STXBP5L: variants seen among roughly 807,000 people sequenced by gnomAD.
The protein encoded by STXBP5L is syntaxin-binding protein 5-like.
In STXBP5L, 65 loss-of-function variants were observed where a neutral mutation model predicts 144.5. That is an observed-to-expected ratio of 0.45 (90% CI 0.37 to 0.55). STXBP5L has a LOEUF of 0.55. Ranked by LOEUF, STXBP5L falls within the 20% of genes least tolerant of loss-of-function variation. The pLI, the probability that STXBP5L is intolerant of heterozygous loss-of-function variation, is 0.00. For synonymous variants in STXBP5L, 505 were observed against 469.6 expected (o/e 1.08, Z -0.97); for missense variants, 1,298 against 1,405.5 (o/e 0.92, Z 1.22).
intron 3 of STXBP5L, among the ~76,000 whole-genome samples, chr3:120,965,361 C>G (rs1939434462): frequency 2.0e-5 from 3 of 152,170 alleles, no homozygotes. Context: ...GATGCAGTTT[C>G]TTCATAGCAT....
intron 20 of STXBP5L, among the ~76,000 whole-genome samples, chr3:121,341,974 A>G (rs1015146762): frequency 6.6e-6 from 1 of 152,066 alleles, no homozygotes; most frequent in African/African-American, 2.4e-5. Flanking sequence ...ATATTTTAGA[A>G]TAACTTAAAT....
At chr3:121,247,379 G>A (rs1196014048) in intron 14 of STXBP5L, among the ~76,000 whole-genome samples, 1 of 152,218 alleles carries the variant, frequency 6.6e-6, no homozygotes, top group East Asian at 1.9e-4. Context: ...TTTAGATTCA[G>A]GGATACATGT....
chr3:121,105,737 T>G (rs2043672504), intron 5 of STXBP5L, among the ~76,000 whole-genome samples: 1 of 152,080 alleles, frequency 6.6e-6, no homozygotes, highest in Non-Finnish European at 1.5e-5. Flanking sequence ...CACATGAAAC[T>G]CAATAGAACC....
At chr3:121,280,896 T>C (rs922296488) in intron 19 of STXBP5L, among the ~76,000 whole-genome samples, 2 of 150,786 alleles carry the variant, frequency 1.3e-5, no homozygotes, top group African/African-American at 4.8e-5. Flanking sequence ...CGTAACATAG[T>C]GTGACCCCAT....
At chr3:121,185,025 C>A (rs904251523) in intron 9 of STXBP5L, among the ~76,000 whole-genome samples, 1 of 152,120 alleles carries the variant, frequency 6.6e-6, no homozygotes, top group African/African-American at 2.4e-5. Context: ...ATATTGCCAC[C>A]ACCAGGCCTG....
chr3:121,101,186 C>T (rs1001378237), intron 5 of STXBP5L, among the ~76,000 whole-genome samples: 1 of 152,022 alleles, frequency 6.6e-6, no homozygotes, highest in South Asian at 2.1e-4. Context: ...GGTTCCAGTT[C>T]TTCTGATATT....
intron 5 of STXBP5L, among the ~76,000 whole-genome samples, chr3:121,091,545 T>C (rs1460131011): frequency 3.9e-5 from 6 of 152,206 alleles, no homozygotes; most frequent in South Asian, 2.1e-4. Context: ...GTGAGCATTT[T>C]TTCATGTGTT....
chr3:120,939,580 C>A (rs571522944), intron 2 of STXBP5L, among the ~76,000 whole-genome samples: 118 of 152,206 alleles, frequency 7.8e-4, no homozygotes, highest in African/African-American at 2.7e-3. Flanking sequence ...TCTCAGTGGA[C>A]TGTTTGAAAT....
At chr3:121,355,890 G>T (rs1051715983) in intron 20 of STXBP5L, among the ~76,000 whole-genome samples, 6 of 152,058 alleles carry the variant, frequency 3.9e-5, no homozygotes, top group Admixed American at 3.9e-4. Context: ...TGTTCTTATT[G>T]TTGATGTTGA....
chr3:121,072,332 G>T (rs2041843302), intron 5 of STXBP5L, among the ~76,000 whole-genome samples: 2 of 152,208 alleles, frequency 1.3e-5, no homozygotes, highest in South Asian at 4.1e-4. Flanking sequence ...TGAATCCCTG[G>T]GGGCCGTGTT....
At position 121,174,230 on chromosome 3, in the gene STXBP5L, A is replaced by G. The variant is rs145778270; in HGVS notation, c.877+16603A>G. On this transcript the variant is annotated intron_variant, in intron 9 of 26. Coordinates refer to ENST00000471454, the MANE Select transcript of STXBP5L (RefSeq NM_001308330.2). ...CAAATGGCACCTGTACATTCTGTAA[A>G]TATTTGTGTATATAAGTTTTAATAA... Among the ~76,000 whole-genome samples the G allele has an allele frequency of 3.0e-3, 454 of 152,168 alleles. 2 individuals carry two copies. The highest frequency in any genetic ancestry group is 2.3e-3 in the Non-Finnish European group (159 of 68,014).
At chr3:121,353,830 A>C (rs1364914848) in intron 20 of STXBP5L, among the ~76,000 whole-genome samples, 1 of 152,114 alleles carries the variant, frequency 6.6e-6, no homozygotes, top group Non-Finnish European at 1.5e-5. Context: ...AGTGCTATAC[A>C]TTTCCCTCTA....
intron 25 of STXBP5L, 112 bp from the exon 26 acceptor site, chr3:121,418,225 T>G: frequency 8.0e-7 from 1 of 1,243,080 alleles, no homozygotes; most frequent in Non-Finnish European, 1.1e-6. Flanking sequence ...AGACTCTCTT[T>G]TAATGAGAAT....
Position 121,223,161 on chromosome 3 carries a change from A to C in STXBP5L, c.1111+4A>C, listed in dbSNP as rs765955345. 2 of 1,579,794 alleles carry C rather than the reference A, an allele frequency of 1.3e-6. No individual in the cohort carries two copies. Among genetic ancestry groups the C allele is most frequent in the East Asian group, 4.5e-5 (2 of 44,460 alleles). ...TGTGAAACGCCCTATCCAAATGGTA[A>C]GTAACTAAAATGAAACTATTAATGT... On this transcript the variant is annotated splice_donor_region_variant and intron_variant, in intron 11 of 26. Transcript: ENST00000471454.
At chr3:121,413,416 A>ATATTT in intron 24 of STXBP5L, 93 bp downstream of exon 24, 1 of 1,165,136 alleles carries the variant, frequency 8.6e-7, no homozygotes, top group Non-Finnish European at 1.2e-6. Context: ...TAGGTCAGAC[A>ATATTT]ATAATTATGC....
intron 2 of STXBP5L, 55 bp from the exon 3 acceptor site, chr3:120,954,885 T>C: frequency 1.4e-6 from 2 of 1,459,632 alleles, no homozygotes; most frequent in Non-Finnish European, 1.9e-6. Context: ...TGGTATCTTG[T>C]GATTGTAATT....
chr3:120,913,150 T>C (rs1708933945), intron 2 of STXBP5L, among the ~76,000 whole-genome samples: 1 of 152,014 alleles, frequency 6.6e-6, no homozygotes, highest in Non-Finnish European at 1.5e-5. Flanking sequence ...AGCATCTTCC[T>C]GTGATTAAAA....
Position 121,047,314 on chromosome 3 carries a change from G to GATGGT in STXBP5L, c.470+1782_470+1786dup, listed in dbSNP as rs1947586901. Among the ~76,000 whole-genome samples, 4 of 151,950 alleles carry GATGGT rather than the reference G, an allele frequency of 2.6e-5. No homozygotes were observed. In the South Asian group the frequency reaches 8.3e-4, roughly 31 times the overall value. ...AGTATGTGCTATGTACAGATAAGAA[G>GATGGT]ATGGTATATTCTGTTCCTTTTGGGT... On this transcript the variant is annotated intron_variant, in intron 5 of 26. Coordinates refer to ENST00000471454, the MANE Select transcript of STXBP5L (RefSeq NM_001308330.2).
In STXBP5L at chr3:121,297,860, A is replaced by C. The variant is rs951871669; in HGVS notation, c.2110+17904A>C. Among the ~76,000 whole-genome samples, 8 of 152,238 alleles carry C rather than the reference A, an allele frequency of 5.3e-5. No homozygotes were observed. In the South Asian group the frequency reaches 1.0e-3, roughly 20 times the overall value. ...TGAAAAAGAACCAAATGGAAATTAT[A>C]GAACTTAAAAATAAAATATGTGAAA... is the stretch of plus-strand genomic sequence containing the variant. On this transcript the variant is annotated intron_variant, in intron 19 of 26. Transcript: ENST00000471454.
Sources: gnomAD v4.1 joint callset for allele counts (sites outside exome capture counted in the v4.1 genomes callset) on GRCh38, gnomAD v4.1.1 for gene constraint, MANE v1.5 for transcripts, NCBI Gene and HGNC (gene_info 2026-07-23, HGNC 2026-07-21) for gene names.